The following RTN4 variants were observed in gnomAD, a reference collection of about 807,000 sequenced individuals.
The protein encoded by RTN4 is reticulon 4.
RTN4 carries 32 observed loss-of-function variants against 90.4 expected under a neutral mutation model. The observed-to-expected ratio is 0.35, with a 90% CI of 0.27 to 0.48. The LOEUF (loss-of-function observed/expected upper bound fraction) is 0.48. RTN4 is among the 20% of genes least tolerant of loss of function. RTN4 has a pLI of 0.99. For missense variants in RTN4, 1,706 were observed against 1,430.2 expected, an observed-to-expected ratio of 1.19 and a Z score of -3.11; for synonymous variants, 629 against 552.5, an observed-to-expected ratio of 1.14 and a Z score of -1.94.
upstream of RTN4, among the ~76,000 whole-genome samples, chr2:55,054,210 C>G (rs1460125705): frequency 6.6e-6 from 1 of 152,100 alleles, no homozygotes; most frequent in East Asian, 1.9e-4. Context: ...GAACACAGGC[C>G]AGTCATTTTC....
chr2:55,100,566 C>A (rs1338703243), intron 1 of RTN4, among the ~76,000 whole-genome samples: 1 of 152,076 alleles, frequency 6.6e-6, no homozygotes, highest in African/African-American at 2.4e-5. Context: ...CCTTGGTGGT[C>A]CATTAGACCC....
chr2:55,112,508 C>T (rs540707084), intron 1 of RTN4: 1 of 152,446 alleles, frequency 6.6e-6, no homozygotes, highest in African/African-American at 2.4e-5. Context: ...GAATAGGAAG[C>T]TCCACACTGA....
chr2:55,042,224 G>A (rs1415490188), intron 1 of RTN4, among the ~76,000 whole-genome samples: 1 of 152,102 alleles, frequency 6.6e-6, no homozygotes, highest in Non-Finnish European at 1.5e-5. Context: ...TGACACTTTG[G>A]CATTAGCTAC....
chr2:55,114,441 G>A (rs1397749273), upstream of RTN4, among the ~76,000 whole-genome samples: 1 of 152,206 alleles, frequency 6.6e-6, no homozygotes, highest in Non-Finnish European at 1.5e-5. Context: ...GCTCACACTT[G>A]TAATCCCATC....
chr2:55,080,606 C>G (rs1668693344), exon 2 of RTN4: 1 of 151,958 alleles, frequency 6.6e-6, no homozygotes, highest in Non-Finnish European at 1.5e-5. Context: ...TTACTCATAT[C>G]CAGAATAGTC....
At chr2:55,126,900 A>T in the RTN4 span, among the ~76,000 whole-genome samples, 8 of 152,200 alleles carry the variant, frequency 5.3e-5, no homozygotes, top group African/African-American at 1.9e-4. Context: ...CTGGAGGCAA[A>T]TTAATGCAGG....
At chr2:55,125,346 A>C in the RTN4 span, among the ~76,000 whole-genome samples, 1 of 152,252 alleles carries the variant, frequency 6.6e-6, no homozygotes, top group Non-Finnish European at 1.5e-5. Context: ...ATGGGAGAAA[A>C]TATTTGCAAA....
chr2:55,117,305 G>A (rs74803029), upstream of RTN4, among the ~76,000 whole-genome samples: 2,108 of 152,302 alleles, frequency 0.014, 47 homozygotes, highest in African/African-American at 0.048. Flanking sequence ...TGAATATTGG[G>A]TTTCGAGGCT....
At position 55,050,049 on chromosome 2, in the gene RTN4, G is replaced by T. The variant is rs772091290; in HGVS notation, c.252C>A (p.Asp84Glu). 2 of 1,417,638 alleles carry T rather than the reference G, an allele frequency of 1.4e-6. No individual in the cohort carries two copies. Among genetic ancestry groups the T allele is most frequent in the Non-Finnish European group, 1.8e-6 (2 of 1,092,614 alleles). 87.8% of individuals were successfully genotyped at this position (1,417,638 alleles called of 1,614,324 possible). A position where few individuals can be genotyped will look rare whatever the true frequency, so the allele number is the denominator to read the frequency against. Residue 84 changes from aspartate to glutamate, a missense_variant, in exon 1 of 9, where the codon GAC becomes GAA. Physicochemically the swap from Asp to Glu is conservative, Grantham distance 45. Coordinates refer to ENST00000337526, the MANE Select transcript of RTN4 (RefSeq NM_020532.5). The surrounding 1 kb of genome is among the most constrained non-coding windows in gnomAD (Gnocchi z 4.6). ...GTCCCCGGGGCGCCGGCGGCACGAA[G>T]TCATTTCCGAAGTCCATCAGGGGCG... is the stretch of plus-strand genomic sequence containing the variant. ...AGAPLMDFGN[D>E]FVPPAPRGPL...
At chr2:54,992,436 A>G (rs1372086120) in intron 3 of RTN4, among the ~76,000 whole-genome samples, 1 of 152,226 alleles carries the variant, frequency 6.6e-6, no homozygotes, top group African/African-American at 2.4e-5. Context: ...GGCCAAGAAG[A>G]AAAGCTAAGT....
intron 3 of RTN4, among the ~76,000 whole-genome samples, chr2:55,013,847 G>A (rs2104805209): frequency 6.6e-6 from 1 of 152,284 alleles, no homozygotes; most frequent in Non-Finnish European, 1.5e-5. Flanking sequence ...AGAGATGCAA[G>A]GGAAAGAGGG....
rs72795424 is a variant in RTN4 at position 54,977,602 on chromosome 2, G to C, written c.3361-2838C>G. The stretch of plus-strand genomic sequence containing the variant: ...GGAACCTGCTAAGAAGGCTCAGTCA[G>C]ACTCAATTAGCCCAAAAGCTGAGCC... On this transcript the variant is annotated intron_variant, in intron 5 of 8. Coordinates refer to ENST00000337526, the MANE Select transcript of RTN4 (RefSeq NM_020532.5). Among the ~76,000 whole-genome samples, 365 of 152,212 alleles carry C rather than the reference G, an allele frequency of 2.4e-3. 2 individuals carry two copies. The highest frequency in any genetic ancestry group is 4.4e-3 in the Admixed American group (67 of 15,292).
At chr2:55,092,524 G>A (rs969548183) in intron 1 of RTN4, among the ~76,000 whole-genome samples, 2 of 152,146 alleles carry the variant, frequency 1.3e-5, no homozygotes, top group Non-Finnish European at 1.5e-5. Context: ...GTGAGCCACC[G>A]TGCCCGGCCC....
chr2:55,110,814 G>A (rs756528605), intron 1 of RTN4, among the ~76,000 whole-genome samples: 24 of 152,230 alleles, frequency 1.6e-4, no homozygotes, highest in Non-Finnish European at 2.8e-4. Context: ...GCCAAGGCAG[G>A]CAGGTCGCCT....
rs1265450802 is a variant in RTN4, at chr2:55,049,817, G to T, written c.484C>A (p.Pro162Thr). The T allele has an allele frequency of 3.1e-6, 4 of 1,309,628 alleles. No homozygotes were observed. Among genetic ancestry groups the T allele is most frequent in the Admixed American group, 4.2e-5 (1 of 24,024 alleles). 81.1% of individuals were successfully genotyped at this position (1,309,628 alleles called of 1,614,324 possible). A position where few individuals can be genotyped will look rare whatever the true frequency, so the allele number is the denominator to read the frequency against. Residue 162 changes from proline (P) to threonine (T), a missense_variant, in exon 1 of 9, where the codon CCA (proline) becomes ACA (threonine). By Grantham distance (38) the Pro-to-Thr change is conservative. Coordinates refer to ENST00000337526, the MANE Select transcript of RTN4 (RefSeq NM_020532.5). The stretch of plus-strand genomic sequence containing the variant: ...GGGGGCGCGGCGGGAGCCGGGGCTG[G>T]CGGGGTCCACACGGGCTCTGCCTGG... ...SPQAEPVWTP[P>T]APAPAAPPST...
Position 55,050,266 on chromosome 2 carries a change from G to A in RTN4, c.35C>T (p.Ser12Phe). 6.6e-7 allele frequency: 1 copy of A among 1,523,394 alleles called. No individual in the cohort carries two copies. The highest frequency in any genetic ancestry group is 8.8e-7 in the Non-Finnish European group (1 of 1,136,900). The allele number at this position is 1,523,394 out of a possible 1,614,324, so 94.4% of individuals were successfully genotyped here. A position where few individuals can be genotyped will look rare whatever the true frequency, so the allele number is the denominator to read the frequency against. ...CTGCGGCCGGGGTGGGCTGTCCGAG[G>A]ACGAGACCAGAGGAGACTGGTCCAG... ...EDLDQSPLVS[S>F]SDSPPRPQPA... Residue 12 changes from serine (S) to phenylalanine (F), a missense_variant, in exon 1 of 9, where the codon TCC (serine) becomes TTC (phenylalanine). Coordinates refer to ENST00000337526, the MANE Select transcript of RTN4 (RefSeq NM_020532.5). The surrounding 1 kb of genome is among the most constrained non-coding windows in gnomAD (Gnocchi z 4.6).
At chr2:55,075,181 G>C (rs780738562) in intron 2 of RTN4, among the ~76,000 whole-genome samples, 9 of 152,182 alleles carry the variant, frequency 5.9e-5, no homozygotes, top group Admixed American at 2.6e-4. Context: ...AGAAAACCCT[G>C]AAGACATCCA....
At chr2:55,069,968 G>A (rs947696668) in intron 2 of RTN4, among the ~76,000 whole-genome samples, 3 of 152,150 alleles carry the variant, frequency 2.0e-5, no homozygotes, top group Non-Finnish European at 4.4e-5. Flanking sequence ...CAGCAAATGT[G>A]GGGTAAAAGA....
At chr2:55,067,277 A>C (rs1336720677) in intron 2 of RTN4, among the ~76,000 whole-genome samples, 2 of 152,194 alleles carry the variant, frequency 1.3e-5, no homozygotes, top group African/African-American at 4.8e-5. Context: ...CAAAGGATTA[A>C]ATTGTTGATG....
Sources: allele counts gnomAD v4.1 joint callset (sites outside exome capture counted in the v4.1 genomes callset), GRCh38; gene constraint gnomAD v4.1.1; non-coding constraint Gnocchi (gnomAD v3.1); transcripts MANE v1.5; gene names NCBI Gene and HGNC (gene_info 2026-07-23, HGNC 2026-07-21).